ZNF106: variants seen among roughly 807,000 people sequenced by gnomAD.
ZNF106 encodes the protein zinc finger protein 106.
ZNF106 carries 67 observed loss-of-function variants against 195.1 expected under a neutral mutation model. The ratio of observed to expected loss-of-function variants is 0.34; its 90% CI spans 0.28 to 0.42. The LOEUF is 0.42. ZNF106 is among the 10% of genes least tolerant of loss of function. ZNF106 has a pLI of 1.00. For synonymous variants in ZNF106, 784 were observed against 818.6 expected (o/e 0.96, Z 0.72); for missense variants, 2,118 against 2,304.5 (o/e 0.92, Z 1.66).
At chr15:42,440,998 A>AATATATATATATATATATAT (rs56924955) in intron 10 of ZNF106, among the ~76,000 whole-genome samples, 1 of 23,578 alleles carries the variant, frequency 4.2e-5, no homozygotes, top group African/African-American at 2.5e-4. Context: ...AAAAAAAAAA[A>AATATATATATATATATATAT]ATATATATAT....
rs756621763 is a variant in ZNF106, at chr15:42,413,345, A to AT, written c.*3958dup. 6.6e-6 allele frequency: 1 copy of AT among 152,180 alleles called. No homozygotes were observed. The highest frequency in any genetic ancestry group is 1.5e-5 in the Non-Finnish European group (1 of 68,022). The allele number at this position is 152,180 out of a possible 1,614,324, so 9.4% of individuals were successfully genotyped here. A position where few individuals can be genotyped will look rare whatever the true frequency, so the allele number is the denominator to read the frequency against. ...TCTCTTAAACCCGAGGAACCTGATG[A>AT]TTTGGGGGCAGGGATAAAACCATTA... On this transcript the variant is annotated 3_prime_UTR_variant, in exon 22 of 22. Transcript: ENST00000564754.
In ZNF106 at chr15:42,415,232, C is replaced by T. The variant is rs2054406746; in HGVS notation, c.*2072G>A. On this transcript the variant is annotated 3_prime_UTR_variant, in exon 22 of 22. Coordinates refer to ENST00000564754, the MANE Select transcript of ZNF106 (RefSeq NM_001366845.3). ...TACCTCCAGGGTTCAAGTGATTCTCCTGTCTCAGCCTCCTGAGTAGCTGAG... is the reference window on the plus strand; with the variant it reads ...TACCTCCAGGGTTCAAGTGATTCTCTTGTCTCAGCCTCCTGAGTAGCTGAG... The T allele has an allele frequency of 3.7e-6, 1 of 270,234 alleles. No homozygotes were observed. Among genetic ancestry groups the T allele is most frequent in the African/African-American group, 2.3e-5 (1 of 43,786 alleles). 16.7% of individuals were successfully genotyped at this position (270,234 alleles called of 1,614,324 possible). A position where few individuals can be genotyped will look rare whatever the true frequency, so the allele number is the denominator to read the frequency against.
chr15:42,424,899 C>T lies in ZNF106; in HGVS notation c.5125G>A (p.Asp1709Asn), dbSNP rs2054797919. Residue 1709 changes from aspartate (D) to asparagine (N), a missense_variant, in exon 16 of 22, where the codon GAT becomes AAT. Asp to Asn is a conservative substitution (Grantham distance 23). Coordinates refer to ENST00000564754, the MANE Select transcript of ZNF106 (RefSeq NM_001366845.3). Reference sequence around the variant, plus strand: ...CTGAGGAGCAGTCCATTCCGGGCATCGCGTACACTAATTGTGCAGTCATAA... The same window carrying T: ...CTGAGGAGCAGTCCATTCCGGGCATTGCGTACACTAATTGTGCAGTCATAA... The part of the protein sequence containing the change: ...GSYDCTISVR[D>N]ARNGLLLRTL... The T allele has an allele frequency of 1.2e-6, 2 of 1,614,100 alleles. No individual in the cohort carries two copies. The highest frequency in any genetic ancestry group is 1.7e-6 in the Non-Finnish European group (2 of 1,180,026).
intron 5 of ZNF106, 125 bp downstream of exon 5, chr15:42,449,646 A>T: frequency 7.7e-7 from 1 of 1,294,548 alleles, no homozygotes; most frequent in Non-Finnish European, 1.1e-6. Flanking sequence ...AAATCAAGAC[A>T]TCTACAACAG....
At chr15:42,456,918 C>G (rs1345611944) in intron 4 of ZNF106, 40 bp downstream of exon 4, 6 of 1,553,550 alleles carry the variant, frequency 3.9e-6, no homozygotes, top group Non-Finnish European at 5.3e-6. Context: ...CTGCTGTGTT[C>G]TGTTATAGAT....
chr15:42,489,655 C>A (rs183154524), intron 1 of ZNF106, among the ~76,000 whole-genome samples: 74 of 152,312 alleles, frequency 4.9e-4, no homozygotes, highest in Non-Finnish European at 1.5e-4. Flanking sequence ...ATTTCATTCA[C>A]GACCAAACTT....
intron 8 of ZNF106, among the ~76,000 whole-genome samples, 168 bp from the exon 9 acceptor site, chr15:42,444,430 T>C (rs2055686636): frequency 6.6e-6 from 1 of 152,188 alleles, no homozygotes; most frequent in South Asian, 2.1e-4. Context: ...CCTGGGGCCT[T>C]GAAGATTCCC....
intron 10 of ZNF106, among the ~76,000 whole-genome samples, chr15:42,440,812 G>T (rs989516155): frequency 6.7e-6 from 1 of 148,390 alleles, no homozygotes; most frequent in Non-Finnish European, 1.5e-5. Flanking sequence ...GTGAAAGCCT[G>T]TCTCTATTAA....
At chr15:42,482,683 C>T (rs926695206) in intron 1 of ZNF106, among the ~76,000 whole-genome samples, 1 of 152,152 alleles carries the variant, frequency 6.6e-6, no homozygotes, top group South Asian at 2.1e-4. Flanking sequence ...CATGTGCCAC[C>T]ACACCTGGCT....
chr15:42,420,375 A>G (rs79152872), intron 20 of ZNF106, among the ~76,000 whole-genome samples: 4,054 of 152,184 alleles, frequency 0.027, 145 homozygotes, highest in African/African-American at 0.077. Flanking sequence ...CATAGACCAT[A>G]TCCCCCTTGG....
At chr15:42,455,569 G>T (rs1399322581) in intron 4 of ZNF106, among the ~76,000 whole-genome samples, 4 of 151,930 alleles carry the variant, frequency 2.6e-5, no homozygotes, top group Non-Finnish European at 5.9e-5. Flanking sequence ...TTAATTTTTT[G>T]TTGTTGTTAT....
In ZNF106 at chr15:42,432,690, T is replaced by C. The variant is rs145983987; in HGVS notation, c.4881+2694A>G. On this transcript the variant is annotated intron_variant, in intron 14 of 21. Coordinates refer to ENST00000564754, the MANE Select transcript of ZNF106 (RefSeq NM_001366845.3). Reference sequence around the variant, plus strand: ...GAGCTTTAGAATAGCCTAGGCAACATAGCAAGACCGTATTTCTAAAAAAAA... The same window carrying C: ...GAGCTTTAGAATAGCCTAGGCAACACAGCAAGACCGTATTTCTAAAAAAAA... Among the ~76,000 whole-genome samples, 1,221 of 137,952 alleles carry C rather than the reference T, an allele frequency of 8.9e-3. 18 individuals are homozygous for C. The highest frequency in any genetic ancestry group is 0.032 in the African/African-American group (1,172 of 36,448). The allele number at this position is 137,952 out of a possible 152,430, so 90.5% of individuals were successfully genotyped here. A position where few individuals can be genotyped will look rare whatever the true frequency, so the allele number is the denominator to read the frequency against.
At chr15:42,440,451 T>A (rs748433011) in intron 10 of ZNF106, among the ~76,000 whole-genome samples, 1 of 152,316 alleles carries the variant, frequency 6.6e-6, no homozygotes, top group Admixed American at 6.5e-5. Flanking sequence ...CAACTTGTAA[T>A]ATAAAATACT....
chr15:42,439,157 GGC>G lies in ZNF106; in HGVS notation c.4418_4419del (p.Ser1473ThrfsTer3). ...GAGTTCCAAATATCCTTTTTAGATGGGCTGTCTGGTTTCTCTTCTCCTGATTC... is the reference window on the plus strand; with the variant it reads ...GAGTTCCAAATATCCTTTTTAGATGGTGTCTGGTTTCTCTTCTCCTGATTC... ...SSESGEEKPD[S>X]PSKKDIWNST... On this transcript the variant is annotated frameshift_variant, in exon 11 of 22. Coordinates refer to ENST00000564754, the MANE Select transcript of ZNF106 (RefSeq NM_001366845.3). LOFTEE classifies it high-confidence loss of function. 6.2e-7 allele frequency: 1 copy of G among 1,614,020 alleles called. No individual in the cohort carries two copies. Among genetic ancestry groups the G allele is most frequent in the South Asian group, 1.1e-5 (1 of 91,072 alleles).
At chr15:42,444,387 G>T in intron 8 of ZNF106, 125 bp from the exon 9 acceptor site, 1 of 695,024 alleles carries the variant, frequency 1.4e-6, no homozygotes. Context: ...GACCCAGCCA[G>T]CCGCAGGTTT....
At chr15:42,468,807 C>T (rs1285691846) in intron 2 of ZNF106, among the ~76,000 whole-genome samples, 1 of 152,088 alleles carries the variant, frequency 6.6e-6, no homozygotes, top group East Asian at 1.9e-4. Flanking sequence ...CTAGCCACAA[C>T]TGACTGGCCG....
chr15:42,488,042 T>C (rs1475081422), intron 1 of ZNF106, among the ~76,000 whole-genome samples: 1 of 152,216 alleles, frequency 6.6e-6, no homozygotes, highest in African/African-American at 2.4e-5. Context: ...ATGTAAGACC[T>C]AATACAATGC....
At chr15:42,453,012 C>T (rs567931631) in intron 4 of ZNF106, among the ~76,000 whole-genome samples, 1 of 152,126 alleles carries the variant, frequency 6.6e-6, no homozygotes, top group South Asian at 2.1e-4. Context: ...ATATTTAGTA[C>T]AATTTTATGT....
intron 1 of ZNF106, among the ~76,000 whole-genome samples, chr15:42,473,304 G>A (rs1218506956): frequency 6.6e-6 from 1 of 152,160 alleles, no homozygotes; most frequent in Non-Finnish European, 1.5e-5. Flanking sequence ...CCTCTGCTCA[G>A]AATTTCCCAA....
Sources: gnomAD v4.1 joint callset for allele counts (sites outside exome capture counted in the v4.1 genomes callset) on GRCh38, gnomAD v4.1.1 for gene constraint, MANE v1.5 for transcripts, NCBI Gene and HGNC (gene_info 2026-07-23, HGNC 2026-07-21) for gene names.